The following ANLN variants were observed in gnomAD, a reference collection of about 807,000 sequenced individuals.
ANLN encodes the protein anillin.
ANLN carries 59 observed loss-of-function variants against 135.1 expected under a neutral mutation model. The ratio of observed to expected loss-of-function variants is 0.44; its 90% CI spans 0.35 to 0.54. The LOEUF is 0.54. Ranked by LOEUF, ANLN falls within the 20% of genes least tolerant of loss-of-function variation. The pLI is 0.00. For missense variants in ANLN, 1,182 were observed against 1,340.0 expected, an observed-to-expected ratio of 0.88 and a Z score of 1.84; for synonymous variants, 406 against 456.4, an observed-to-expected ratio of 0.89 and a Z score of 1.41.
rs552692302 is a variant in ANLN at position 36,445,415 on chromosome 7, A to G, written c.3078+1553A>G. Among the ~76,000 whole-genome samples the G allele has an allele frequency of 5.3e-5, 8 of 152,242 alleles. No individual in the cohort carries two copies. The East Asian group carries it at 1.5e-3, about 29-fold the overall frequency. On this transcript the variant is annotated intron_variant, in intron 22 of 23. Coordinates refer to ENST00000265748, the MANE Select transcript of ANLN (RefSeq NM_018685.5). ...CTGCAATTGCATGTTTTTAAACATTATACAGATAATAACATATTGTATGTA... is the reference window on the plus strand; with the variant it reads ...CTGCAATTGCATGTTTTTAAACATTGTACAGATAATAACATATTGTATGTA...
intron 3 of ANLN, among the ~76,000 whole-genome samples, chr7:36,402,523 C>T (rs1485339916): frequency 6.6e-6 from 1 of 152,138 alleles, no homozygotes; most frequent in South Asian, 2.1e-4. Flanking sequence ...AAAACACTTG[C>T]CTGCTTCTGC....
chr7:36,428,777 T>C (rs1458719878), intron 20 of ANLN, among the ~76,000 whole-genome samples: 1 of 57,008 alleles, frequency 1.8e-5, no homozygotes, highest in Non-Finnish European at 4.1e-5. Flanking sequence ...TAAAAGCAGA[T>C]TTTTTTTTTT....
At chr7:36,390,613 C>G (rs1170271436) in intron 1 of ANLN, 1 of 154,048 alleles carries the variant, frequency 6.5e-6, no homozygotes, top group African/African-American at 2.4e-5. Flanking sequence ...AGCTAACTAA[C>G]GAAGAAGTTC....
chr7:36,446,889 A>G lies in ANLN; in HGVS notation c.3079-2776A>G, dbSNP rs113580894. Reference sequence around the variant, plus strand: ...TCCTTTGGTCTGTTTCCCTATCCCAATCTCAATGACCGTAGCTTTAAAATA... The same window carrying G: ...TCCTTTGGTCTGTTTCCCTATCCCAGTCTCAATGACCGTAGCTTTAAAATA... On this transcript the variant is annotated intron_variant, in intron 22 of 23. Transcript: ENST00000265748. 1.3e-3 allele frequency among the ~76,000 whole-genome samples: 205 copies of G among 152,236 alleles called. 1 individual carries two copies. Among genetic ancestry groups the G allele is most frequent in the African/African-American group, 4.6e-3 (193 of 41,530 alleles).
chr7:36,408,076 G>C (rs1787266918), intron 5 of ANLN, 120 bp downstream of exon 5: 5 of 765,496 alleles, frequency 6.5e-6, no homozygotes, highest in Non-Finnish European at 8.2e-6. Context: ...ATGCCTGAAT[G>C]TTCCAAATGA....
Position 36,421,860 on chromosome 7 carries a change from C to G in ANLN, c.2167C>G (p.Leu723Val). 6.2e-7 allele frequency: 1 copy of G among 1,602,506 alleles called. No individual in the cohort carries two copies. The highest frequency in any genetic ancestry group is 1.1e-5 in the South Asian group (1 of 88,342). ...QVNIKQKMQE[L>V]NNEINMQQTV... ...CTCCTCTCATTGGTTTTCCTAGGAA[C>G]TCAATAACGAAATAAATATGCAACA... Residue 723 changes from leucine (L) to valine (V), a missense_variant, in exon 13 of 24, where the codon CTC becomes GTC. Leu to Val is a conservative substitution (Grantham distance 32). Coordinates refer to ENST00000265748, the MANE Select transcript of ANLN (RefSeq NM_018685.5).
At chr7:36,408,515 G>A (rs982744668) in intron 5 of ANLN, among the ~76,000 whole-genome samples, 6 of 151,976 alleles carry the variant, frequency 3.9e-5, no homozygotes, top group African/African-American at 1.5e-4. Context: ...TATATAATTC[G>A]TAAAGATCAA....
chr7:36,430,264 T>C (rs1005578636), intron 20 of ANLN, among the ~76,000 whole-genome samples: 1 of 152,222 alleles, frequency 6.6e-6, no homozygotes, highest in African/African-American at 2.4e-5. Context: ...CCTTGACCAG[T>C]AATACAACAA....
intron 23 of ANLN, among the ~76,000 whole-genome samples, chr7:36,450,526 G>C (rs1228298947): frequency 6.6e-6 from 1 of 152,090 alleles, no homozygotes; most frequent in Admixed American, 6.6e-5. Context: ...TTTCTAATGT[G>C]AAAATATTAG....
At chr7:36,400,614 T>C (rs1008284781) in intron 3 of ANLN, among the ~76,000 whole-genome samples, 3 of 150,812 alleles carry the variant, frequency 2.0e-5, no homozygotes, top group African/African-American at 5.0e-5. Context: ...TCACCCGCCT[T>C]GGCCTCCCAA....
chr7:36,417,341 C>T, intron 9 of ANLN, 151 bp downstream of exon 9: 1 of 562,322 alleles, frequency 1.8e-6, no homozygotes, highest in Non-Finnish European at 3.1e-6. Flanking sequence ...GTACTGTTAA[C>T]AGTTACTGCT....
chr7:36,432,610 A>G (rs181805843), intron 20 of ANLN, among the ~76,000 whole-genome samples: 1 of 152,362 alleles, frequency 6.6e-6, no homozygotes, highest in African/African-American at 2.4e-5. Flanking sequence ...TGTAAGTTAT[A>G]GAAAACGTTT....
intron 21 of ANLN, among the ~76,000 whole-genome samples, chr7:36,441,908 C>T (rs1340116882): frequency 6.6e-6 from 1 of 151,998 alleles, no homozygotes; most frequent in Non-Finnish European, 1.5e-5. Context: ...GAGCTGTAAG[C>T]AGTGTTGCCT....
chr7:36,400,437 G>A (rs990377547), intron 3 of ANLN, among the ~76,000 whole-genome samples: 1 of 151,968 alleles, frequency 6.6e-6, no homozygotes, highest in African/African-American at 2.4e-5. Flanking sequence ...TTGGCTCATT[G>A]CGACTTCCGC....
chr7:36,419,743 G>T (rs1238347548), intron 10 of ANLN, among the ~76,000 whole-genome samples: 2 of 152,182 alleles, frequency 1.3e-5, no homozygotes, highest in African/African-American at 4.8e-5. Flanking sequence ...CTGTTTATTG[G>T]TCAGGTTATT....
At chr7:36,443,953 C>T (rs1445893980) in intron 22 of ANLN, 91 bp downstream of exon 22, 6 of 843,110 alleles carry the variant, frequency 7.1e-6, no homozygotes. Context: ...CCATCACTCA[C>T]CCAAATTAAT....
chr7:36,431,189 T>A (rs1254742307), intron 20 of ANLN, among the ~76,000 whole-genome samples: 3 of 152,108 alleles, frequency 2.0e-5, no homozygotes, highest in Admixed American at 6.6e-5. Flanking sequence ...AAAAGGGAAT[T>A]TTTACAAAAT....
At chr7:36,425,597 A>G (rs750093863) in intron 17 of ANLN, 105 bp from the exon 18 acceptor site, 108 of 887,754 alleles carry the variant, frequency 1.2e-4, no homozygotes, top group Non-Finnish European at 1.7e-4. Flanking sequence ...CCCGGCTAAG[A>G]ATTAATTATT....
In ANLN at chr7:36,411,065, C is replaced by G. The variant is rs1431989112; in HGVS notation, c.1294C>G (p.Gln432Glu). The G allele has an allele frequency of 6.2e-7, 1 of 1,604,020 alleles. No homozygotes were observed. The highest frequency in any genetic ancestry group is 2.2e-5 in the East Asian group (1 of 44,722). ...HLAQQLKQERQKELACLRGRF... is the reference protein window; with the variant it reads ...HLAQQLKQEREKELACLRGRF... ...CAGCTTTTGATGGGTTTAGGAACGT[C>G]AAAAAGAACTAGCATGTCTTCGTGG... is the stretch of plus-strand genomic sequence containing the variant. The change falls in exon 7 of 24, where the codon CAA becomes GAA. Residue 432 changes from glutamine (Q) to glutamate (E), a missense_variant. Around this residue, in one of 3 missense-constraint regions of ANLN, gnomAD observed 1,022 missense variants for 1,134.0 expected, o/e 0.90. Transcript: ENST00000265748.
Sources: allele counts gnomAD v4.1 joint callset (sites outside exome capture counted in the v4.1 genomes callset), GRCh38; gene constraint gnomAD v4.1.1; regional missense constraint gnomAD v4.1.1; transcripts MANE v1.5; gene names NCBI Gene and HGNC (gene_info 2026-07-23, HGNC 2026-07-21).